The following CDH10 variants were observed in gnomAD, a reference collection of about 807,000 sequenced individuals.
The protein encoded by CDH10 is cadherin 10, also known as cadherin-10.
Under a neutral mutation model 73.1 loss-of-function variants are expected in CDH10, and 30 were observed. The ratio of observed to expected loss-of-function variants is 0.41; its 90% CI spans 0.31 to 0.56. CDH10 has a LOEUF of 0.56. CDH10 is among the 20% of genes least tolerant of loss of function. The pLI is 0.27. For missense variants in CDH10, 815 were observed against 973.7 expected (o/e 0.84, Z 2.17); for synonymous variants, 345 against 348.2 (o/e 0.99, Z 0.10).
intron 2 of CDH10, among the ~76,000 whole-genome samples, chr5:24,592,446 A>AT (rs61363888): frequency 0.049 from 7,398 of 151,812 alleles, 310 homozygotes; most frequent in African/African-American, 0.1. Context: ...ATTAAAATGA[A>AT]TTTTTTTGTA....
chr5:24,488,452 C>T (rs1579705760), intron 11 of CDH10, among the ~76,000 whole-genome samples: 1 of 152,170 alleles, frequency 6.6e-6, no homozygotes, highest in African/African-American at 2.4e-5. Context: ...CCTCATTGTA[C>T]AGATAATATT....
intron 2 of CDH10, among the ~76,000 whole-genome samples, chr5:24,581,855 A>C (rs1745814771): frequency 6.6e-6 from 1 of 152,248 alleles, no homozygotes; most frequent in African/African-American, 2.4e-5. Context: ...GGTAACACAA[A>C]AAGTAAACGT....
intron 11 of CDH10, among the ~76,000 whole-genome samples, chr5:24,489,243 T>G (rs907395532): frequency 6.6e-6 from 1 of 152,146 alleles, no homozygotes; most frequent in Non-Finnish European, 1.5e-5. Flanking sequence ...AATTACATTA[T>G]TATATGAAGG....
chr5:24,516,497 C>T (rs766989373), intron 5 of CDH10, among the ~76,000 whole-genome samples: 7 of 152,008 alleles, frequency 4.6e-5, no homozygotes, highest in Non-Finnish European at 8.8e-5. Context: ...TTCAGTTCCA[C>T]ATTTATTATT....
At chr5:24,512,102 C>A (rs547222586) in intron 5 of CDH10, among the ~76,000 whole-genome samples, 1 of 152,014 alleles carries the variant, frequency 6.6e-6, no homozygotes, top group African/African-American at 2.4e-5. Context: ...ACAAGTTTAC[C>A]TAAGTAACAA....
intron 7 of CDH10, among the ~76,000 whole-genome samples, chr5:24,506,112 C>CAAA (rs956289293): frequency 7.3e-5 from 6 of 81,922 alleles, no homozygotes; most frequent in African/African-American, 2.1e-4. Flanking sequence ...AAGACTCCGT[C>CAAA]AAAAAAAAAA....
intron 8 of CDH10, 80 bp from the exon 9 acceptor site, chr5:24,498,599 A>G: frequency 1.1e-6 from 1 of 903,326 alleles, no homozygotes; most frequent in Non-Finnish European, 1.8e-6. Flanking sequence ...TCTTGTGGGT[A>G]TGAAGTGCTC....
At chr5:24,515,406 C>G (rs1407748823) in intron 5 of CDH10, among the ~76,000 whole-genome samples, 1 of 152,100 alleles carries the variant, frequency 6.6e-6, no homozygotes, top group Non-Finnish European at 1.5e-5. Context: ...TGGTATTACC[C>G]TGATATAAAA....
At chr5:24,523,795 T>C (rs974915859) in intron 5 of CDH10, among the ~76,000 whole-genome samples, 2 of 152,166 alleles carry the variant, frequency 1.3e-5, no homozygotes, top group African/African-American at 4.8e-5. Context: ...TTAGTGTTTT[T>C]CATGTTAATT....
chr5:24,619,163 AC>A (rs1345776747), intron 1 of CDH10, among the ~76,000 whole-genome samples: 1 of 151,876 alleles, frequency 6.6e-6, no homozygotes, highest in Non-Finnish European at 1.5e-5. Flanking sequence ...GATGAATGGT[AC>A]CTCTAGTCTC....
intron 1 of CDH10, among the ~76,000 whole-genome samples, chr5:24,627,522 G>A (rs1747551927): frequency 6.6e-6 from 1 of 152,114 alleles, no homozygotes. Flanking sequence ...GAATGGAGGA[G>A]CAGGGACCAT....
At chr5:24,523,759 C>T (rs1480752417) in intron 5 of CDH10, among the ~76,000 whole-genome samples, 1 of 152,038 alleles carries the variant, frequency 6.6e-6, no homozygotes, top group Admixed American at 6.6e-5. Context: ...ATATTTGTTA[C>T]AAGGTGTATT....
chr5:24,493,506 C>T (rs76004268), intron 9 of CDH10, among the ~76,000 whole-genome samples: 4,053 of 151,674 alleles, frequency 0.027, 177 homozygotes, highest in African/African-American at 0.085. Flanking sequence ...ATTGATTTTA[C>T]GGTAGGAGAA....
chr5:24,616,923 G>A (rs1434341180), intron 1 of CDH10, among the ~76,000 whole-genome samples: 1 of 152,156 alleles, frequency 6.6e-6, no homozygotes, highest in East Asian at 1.9e-4. Flanking sequence ...TAAGCGAGAA[G>A]TAATTTTAGA....
At chr5:24,578,530 A>G in intron 2 of CDH10, 1 of 309,288 alleles carries the variant, frequency 3.2e-6, no homozygotes, top group Admixed American at 3.6e-5. Flanking sequence ...GATCCATTAG[A>G]ACTGCTGGAA....
At chr5:24,516,476 AT>A (rs11336717) in intron 5 of CDH10, among the ~76,000 whole-genome samples, 72,558 of 151,640 alleles carry the variant, frequency 0.48, 17,464 homozygotes, top group East Asian at 0.58. Context: ...GTGATTTTCA[AT>A]TTTTTTTCAT....
chr5:24,575,355 C>CAAAAAAAAAAAAAAAAAAAGAA (rs751333761), intron 2 of CDH10, among the ~76,000 whole-genome samples: 1 of 123,850 alleles, frequency 8.1e-6, no homozygotes, highest in East Asian at 2.3e-4. Flanking sequence ...ACAAAAACAA[C>CAAAAAAAAAAAAAAAAAAAGAA]AAAAAAAAAA....
intron 4 of CDH10, 68 bp from the exon 5 acceptor site, chr5:24,535,347 C>G (rs964265757): frequency 7.0e-7 from 1 of 1,429,284 alleles, no homozygotes; most frequent in African/African-American, 1.5e-5. Flanking sequence ...ATTAAGTCCA[C>G]AAAAAGTATT....
intron 1 of CDH10, chr5:24,610,022 C>T (rs1397283127): frequency 1.3e-5 from 2 of 152,190 alleles, no homozygotes; most frequent in African/African-American, 2.4e-5. Flanking sequence ...AAAAGTCACT[C>T]CCTCGCATAT....
Sources: gnomAD v4.1 joint callset for allele counts (sites outside exome capture counted in the v4.1 genomes callset) on GRCh38, gnomAD v4.1.1 for gene constraint, MANE v1.5 for transcripts, NCBI Gene and HGNC (gene_info 2026-07-23, HGNC 2026-07-21) for gene names.